The following PKHD1 variants were observed in gnomAD, a reference collection of about 807,000 sequenced individuals.
PKHD1 encodes PKHD1 ciliary IPT domain containing fibrocystin/polyductin, also known as fibrocystin.
Under a neutral mutation model 412.0 loss-of-function variants are expected in PKHD1, and 291 were observed. That is an observed-to-expected ratio of 0.71 (90% CI 0.64 to 0.78). The LOEUF is 0.78. Ranked by LOEUF, PKHD1 falls within the 30% of genes least tolerant of loss-of-function variation. The pLI is 0.00. For missense variants in PKHD1, 4,825 were observed against 4,950.7 expected, an observed-to-expected ratio of 0.97 and a Z score of 0.76; for synonymous variants, 1,777 against 1,821.5, an observed-to-expected ratio of 0.98 and a Z score of 0.62.
At chr6:51,645,910 A>C (rs1770026945) in intron 63 of PKHD1, among the ~76,000 whole-genome samples, 1 of 152,300 alleles carries the variant, frequency 6.6e-6, no homozygotes, top group East Asian at 1.9e-4. Context: ...TGTCTGACAT[A>C]GAAGTTGTGG....
At chr6:51,801,392 T>C (rs1269268729) in intron 52 of PKHD1, among the ~76,000 whole-genome samples, 1 of 152,182 alleles carries the variant, frequency 6.6e-6, no homozygotes, top group East Asian at 1.9e-4. Context: ...TGACCAGAGA[T>C]GTGCTAGAAG....
intron 52 of PKHD1, among the ~76,000 whole-genome samples, chr6:51,808,314 C>T (rs1449231207): frequency 6.6e-6 from 1 of 151,960 alleles, no homozygotes; most frequent in African/African-American, 2.4e-5. Context: ...GAACCAGTAA[C>T]ACTGCCATCT....
At chr6:52,030,283 C>T (rs989284059) in intron 29 of PKHD1, among the ~76,000 whole-genome samples, 1 of 152,200 alleles carries the variant, frequency 6.6e-6, no homozygotes, top group African/African-American at 2.4e-5. Flanking sequence ...GATTTACTTA[C>T]GGCTCTCAAA....
intron 30 of PKHD1, 75 bp downstream of exon 30, chr6:52,028,081 A>C (rs1802489797): frequency 2.8e-6 from 4 of 1,439,252 alleles, no homozygotes; most frequent in Non-Finnish European, 2.9e-6. Flanking sequence ...AAAATACCTA[A>C]CTCAAAATTA....
chr6:51,648,318 T>C (rs1321387065), intron 62 of PKHD1, among the ~76,000 whole-genome samples, 200 bp from the exon 63 acceptor site: 3 of 152,120 alleles, frequency 2.0e-5, no homozygotes, highest in African/African-American at 7.2e-5. Flanking sequence ...AGTGAGGAAA[T>C]TATTGCAAGA....
Position 51,881,186 on chromosome 6 carries a change from G to C in PKHD1, c.7350+1907C>G, listed in dbSNP as rs1223597362. 2.4e-5 allele frequency among the ~76,000 whole-genome samples: 3 copies of C among 126,960 alleles called. No individual in the cohort carries two copies. The South Asian group carries it at 7.3e-4, about 31-fold the overall frequency. The allele number at this position is 126,960 out of a possible 152,430, so 83.3% of individuals were successfully genotyped here. ...AGTAAAGATTAATAGATTTTTTTTT[G>C]CTTGTTCACTTTAATGCTAGAATTT... On this transcript the variant is annotated intron_variant, in intron 46 of 66. Transcript: ENST00000371117.
chr6:51,757,586 A>G (rs1330260116), intron 55 of PKHD1, among the ~76,000 whole-genome samples: 3 of 152,054 alleles, frequency 2.0e-5, no homozygotes, highest in South Asian at 4.1e-4. Context: ...AAGCCTCCCC[A>G]CTTTCTGTAC....
chr6:51,752,814 G>A (rs72899402), intron 57 of PKHD1, among the ~76,000 whole-genome samples: 48,730 of 152,078 alleles, frequency 0.32, 9,680 homozygotes, highest in East Asian at 0.68. Flanking sequence ...TTAAATTTAC[G>A]CTATTAATTT....
In PKHD1 at chr6:52,083,214, G is replaced by A. The variant is rs866082611; in HGVS notation, c.94C>T (p.Leu32Phe). ...SLHIEPEEGS[L>F]AGGTWITVIF... Reference sequence around the variant, plus strand: ...ACTGTGATCCACGTTCCCCCTGCAAGGCTACCTTCTTCAGGTTCAATATGT... The same window carrying A: ...ACTGTGATCCACGTTCCCCCTGCAAAGCTACCTTCTTCAGGTTCAATATGT... Residue 32 changes from leucine to phenylalanine, a missense_variant, in exon 3 of 67, where the codon CTT becomes TTT. Coordinates refer to ENST00000371117, the MANE Select transcript of PKHD1 (RefSeq NM_138694.4). 6.2e-7 allele frequency: 1 copy of A among 1,612,260 alleles called. No homozygotes were observed. The highest frequency in any genetic ancestry group is 8.5e-7 in the Non-Finnish European group (1 of 1,178,288).
intron 52 of PKHD1, among the ~76,000 whole-genome samples, chr6:51,801,657 G>C (rs1211902635): frequency 6.8e-6 from 1 of 147,488 alleles, no homozygotes; most frequent in East Asian, 2.0e-4. Flanking sequence ...GTGTGTGTGA[G>C]AGAGAGAGAG....
intron 35 of PKHD1, among the ~76,000 whole-genome samples, chr6:51,988,971 G>A (rs1796541301): frequency 6.6e-6 from 1 of 152,204 alleles, no homozygotes; most frequent in Non-Finnish European, 1.5e-5. Flanking sequence ...AAGGCCAGGG[G>A]CTCACATTGT....
chr6:51,891,267 T>G (rs992630973), intron 43 of PKHD1, among the ~76,000 whole-genome samples: 2 of 152,146 alleles, frequency 1.3e-5, no homozygotes, highest in Admixed American at 1.3e-4. Flanking sequence ...GGGGTTTTGT[T>G]TTTTTGTTTG....
In PKHD1 at chr6:52,069,524, T is replaced by A. The variant is rs138184195; in HGVS notation, c.711A>T (p.Ser237=). ...VSFSVFNKGK[S]MVHKKAWLIS... is the part of the protein sequence containing the mutation. Reference sequence around the variant, plus strand: ...TCAGCCATGCCTTCTTGTGGACCATTGACCTTCGAAAAAGACAAAGTTCTG... The same window carrying A: ...TCAGCCATGCCTTCTTGTGGACCATAGACCTTCGAAAAAGACAAAGTTCTG... Residue 237 remains serine (S), a synonymous_variant, in exon 11 of 67, where the codon TCA becomes TCT. Coordinates refer to ENST00000371117, the MANE Select transcript of PKHD1 (RefSeq NM_138694.4). The A allele has an allele frequency of 1.0e-4, 169 of 1,612,360 alleles. No homozygotes were observed. The highest frequency in any genetic ancestry group is 1.3e-4 in the Non-Finnish European group (159 of 1,178,544).
rs1344579170 is a variant in PKHD1, at chr6:51,791,224, G to T, written c.8440+12C>A. 1 of 1,612,584 alleles carries T rather than the reference G, an allele frequency of 6.2e-7. No homozygotes were observed. The highest frequency in any genetic ancestry group is 1.7e-5 in the Admixed American group (1 of 59,992). ...TTCTCAACATGCTCGCAATCCTTGT[G>T]CCTTTACTCACCAACTTTCAGCTCC... On this transcript the variant is annotated intron_variant, in intron 53 of 66. Transcript: ENST00000371117.
chr6:51,751,435 A>T (rs1786098093), intron 57 of PKHD1, among the ~76,000 whole-genome samples: 1 of 152,234 alleles, frequency 6.6e-6, no homozygotes, highest in Non-Finnish European at 1.5e-5. Context: ...AGTTTAGTTC[A>T]TGGTCATGTA....
At position 52,069,643 on chromosome 6, in the gene PKHD1, T is replaced by C. The variant is rs1022002524; in HGVS notation, c.708-116A>G. ...TAACCTCTATTGATCTTTAGAACAGTTGAAATAGCAGCTCCCTTGGATAAC... is the reference window on the plus strand; with the variant it reads ...TAACCTCTATTGATCTTTAGAACAGCTGAAATAGCAGCTCCCTTGGATAAC... On this transcript the variant is annotated intron_variant, in intron 10 of 66. Transcript: ENST00000371117. The C allele has an allele frequency of 5.0e-6, 4 of 801,488 alleles. No individual in the cohort carries two copies. The Admixed American group carries it at 5.2e-5, about 10-fold the overall frequency. 49.6% of individuals were successfully genotyped at this position (801,488 alleles called of 1,614,324 possible).
At chr6:52,036,979 A>G (rs1804052185) in intron 27 of PKHD1, among the ~76,000 whole-genome samples, 1 of 152,220 alleles carries the variant, frequency 6.6e-6, no homozygotes, top group African/African-American at 2.4e-5. Flanking sequence ...AATAGCCAGA[A>G]AACAAAATTT....
intron 54 of PKHD1, among the ~76,000 whole-genome samples, chr6:51,774,703 G>T (rs1245242165): frequency 6.6e-6 from 1 of 151,786 alleles, no homozygotes; most frequent in African/African-American, 2.4e-5. Flanking sequence ...ATTGAGTACT[G>T]AGATCCAGAG....
At chr6:51,833,175 C>G (rs1768569988) in intron 51 of PKHD1, among the ~76,000 whole-genome samples, 1 of 152,112 alleles carries the variant, frequency 6.6e-6, no homozygotes, top group African/African-American at 2.4e-5. Flanking sequence ...TGATTGTTCT[C>G]TAAAACCTCA....
Sources: allele counts gnomAD v4.1 joint callset (sites outside exome capture counted in the v4.1 genomes callset), GRCh38; gene constraint gnomAD v4.1.1; transcripts MANE v1.5; gene names NCBI Gene and HGNC (gene_info 2026-07-23, HGNC 2026-07-21).